The following GSG1 variants were observed in gnomAD, a reference collection of about 807,000 sequenced individuals.
GSG1 encodes germ cell-specific gene 1 protein.
Under a neutral mutation model 30.8 loss-of-function variants are expected in GSG1, and 28 were observed. The observed-to-expected ratio is 0.91, with a 90% CI of 0.67 to 1.25. GSG1 has a LOEUF of 1.25. GSG1 is among the 50% of genes most tolerant of loss of function. The pLI is 0.00. For synonymous variants in GSG1, 162 were observed against 178.0 expected, an observed-to-expected ratio of 0.91 and a Z score of 0.71; for missense variants, 435 against 444.7, an observed-to-expected ratio of 0.98 and a Z score of 0.20.
At position 13,085,069 on chromosome 12, in the gene GSG1, GGGGGCTGCACTTGACA is replaced by G; in HGVS notation, c.905_920del (p.Leu302ProfsTer6). The G allele has an allele frequency of 1.2e-6, 2 of 1,609,942 alleles. No individual in the cohort carries two copies. Among genetic ancestry groups the G allele is most frequent in the Admixed American group, 3.4e-5 (2 of 59,280 alleles). ...GGTAGCTGGTCAAAGGACCCACGGTGGGGGCTGCACTTGACAGCCGCCGAGGGAAACACTGATGGTG... is the reference window on the plus strand; with the variant it reads ...GGTAGCTGGTCAAAGGACCCACGGTGGCCGCCGAGGGAAACACTGATGGTG... On this transcript the variant is annotated frameshift_variant, in exon 7 of 7. Coordinates refer to ENST00000651961, the MANE Select transcript of GSG1 (RefSeq NM_001080555.4). LOFTEE classifies it low-confidence loss of function (END_TRUNC).
rs138940005 is a variant in GSG1 at position 13,088,018 on chromosome 12, C to T, written c.523G>A (p.Gly175Arg). The T allele has an allele frequency of 1.2e-5, 20 of 1,614,218 alleles. No homozygotes were observed. Among genetic ancestry groups the T allele is most frequent in the Admixed American group, 1.7e-5 (1 of 60,032 alleles). Residue 175 changes from glycine to arginine, a missense_variant, in exon 5 of 7, where the codon GGA becomes AGA. Physicochemically the swap from Gly to Arg is moderately radical, Grantham distance 125 (BLOSUM62 -2). Coordinates refer to ENST00000651961, the MANE Select transcript of GSG1 (RefSeq NM_001080555.4). ...LSLGTQITYIGLQFISFLLLL... is the reference protein window; with the variant it reads ...LSLGTQITYIRLQFISFLLLL... The stretch of plus-strand genomic sequence containing the variant: ...AGGAGGAAGCTGATGAATTGAAGTC[C>T]GATGTAGGTGATCTGCGTTCCCAGG...
At chr12:13,087,557 A>G (rs1290375062) in intron 5 of GSG1, among the ~76,000 whole-genome samples, 1 of 152,128 alleles carries the variant, frequency 6.6e-6, no homozygotes, top group African/African-American at 2.4e-5. Context: ...CCCACACCCC[A>G]ATGTTGGCTT....
chr12:13,095,416 A>G (rs912145538), intron 1 of GSG1, among the ~76,000 whole-genome samples: 3 of 152,218 alleles, frequency 2.0e-5, no homozygotes, highest in Non-Finnish European at 4.4e-5. Context: ...ATCATTAGGA[A>G]GTGCGTAGGC....
Position 13,090,715 on chromosome 12 carries a change from C to T in GSG1, c.152G>A (p.Trp51Ter), listed in dbSNP as rs1226346078. ...FSTTSLLSNY[W>*]FVGTQKVPKP... ...GGGCACCTTCTGTGTGCCCACAAAC[C>T]AGTAGTTGCTGAGCAGGGATGTTGT... The change falls in exon 2 of 7, where the codon TGG becomes TAG. Residue 51 changes from tryptophan (W) to a stop codon, truncating the protein, a stop_gained. Transcript: ENST00000651961. LOFTEE classifies it high-confidence loss of function. 6.2e-7 allele frequency: 1 copy of T among 1,614,226 alleles called. No individual in the cohort carries two copies. The highest frequency in any genetic ancestry group is 8.5e-7 in the Non-Finnish European group (1 of 1,180,046).
At position 13,084,980 on chromosome 12, in the gene GSG1, C is replaced by T. The variant is rs1054954692; in HGVS notation, c.1010G>A (p.Arg337Gln). ...SEGVDFYSEL[R>Q]NKGFQRGASQ... is the part of the protein sequence containing the mutation. ...GGCCCCTCTTTGAAATCCCTTGTTC[C>T]GCAGCTCGGAGTAGAAGTCGACTCC... The change falls in exon 7 of 7, where the codon CGG (arginine) becomes CAG (glutamine). Residue 337 changes from arginine to glutamine, a missense_variant. Physicochemically the swap from Arg to Gln is conservative, Grantham distance 43 (BLOSUM62 1). Coordinates refer to ENST00000651961, the MANE Select transcript of GSG1 (RefSeq NM_001080555.4). 20 of 1,552,206 alleles carry T rather than the reference C, an allele frequency of 1.3e-5. No homozygotes were observed. The highest frequency in any genetic ancestry group is 4.9e-5 in the East Asian group (2 of 40,970).
chr12:13,090,220 A>G (rs1158595570), intron 2 of GSG1, among the ~76,000 whole-genome samples: 1 of 152,212 alleles, frequency 6.6e-6, no homozygotes, highest in Non-Finnish European at 1.5e-5. Flanking sequence ...GGTTAATTCT[A>G]TTTTTAACAT....
chr12:13,095,678 T>C, intron 1 of GSG1: 1 of 1,613,006 alleles, frequency 6.2e-7, no homozygotes, highest in Non-Finnish European at 8.5e-7. Context: ...TTTGGTTTAA[T>C]GTTGCAAGAA....
intron 6 of GSG1, 101 bp from the exon 7 acceptor site, chr12:13,085,344 G>T: frequency 9.1e-7 from 1 of 1,103,946 alleles, no homozygotes; most frequent in Non-Finnish European, 1.3e-6. Flanking sequence ...TTATTGCCTT[G>T]TAGGGATTTA....
In GSG1 at chr12:13,084,859, G is replaced by T; in HGVS notation, c.*42C>A. 7.6e-7 allele frequency: 1 copy of T among 1,316,340 alleles called. No homozygotes were observed. Among genetic ancestry groups the T allele is most frequent in the Non-Finnish European group, 1.0e-6 (1 of 955,424 alleles). 81.5% of individuals were successfully genotyped at this position (1,316,340 alleles called of 1,614,324 possible). ...GCACATGTTGATAATCAGCAGACGTGTAAGGTAGGGCTCAAGCCTACTCCC... is the reference window on the plus strand; with the variant it reads ...GCACATGTTGATAATCAGCAGACGTTTAAGGTAGGGCTCAAGCCTACTCCC... On this transcript the variant is annotated 3_prime_UTR_variant, in exon 7 of 7. Coordinates refer to ENST00000651961, the MANE Select transcript of GSG1 (RefSeq NM_001080555.4).
Position 13,087,261 on chromosome 12 carries a change from G to A in GSG1, c.637C>T (p.Leu213Phe). 1.2e-6 allele frequency: 2 copies of A among 1,611,216 alleles called. No individual in the cohort carries two copies. The highest frequency in any genetic ancestry group is 1.7e-6 in the Non-Finnish European group (2 of 1,177,380). ...FAAVSSVLSGLLGMVAHMMYS... is the reference protein window; with the variant it reads ...FAAVSSVLSGFLGMVAHMMYS... ...ATCATGTGGGCCACCATCCCCAGGA[G>A]ACCTACCAAGGAAACAGGAAGGCAG... is the stretch of plus-strand genomic sequence containing the variant. Residue 213 changes from leucine to phenylalanine, a missense_variant and splice_region_variant, in exon 6 of 7, where the codon CTC becomes TTC. Leu to Phe is a conservative substitution (Grantham distance 22). Transcript: ENST00000651961.
In GSG1 at chr12:13,088,063, C is replaced by T; in HGVS notation, c.482-4G>A. On this transcript the variant is annotated splice_region_variant and splice_polypyrimidine_tract_variant and intron_variant, in intron 4 of 6. Transcript: ENST00000651961. ...CCCAGGGATAACCATAGGATTTCTGCCAGAAACCAGAGGAAGAGGGAGCGC... is the reference window on the plus strand; with the variant it reads ...CCCAGGGATAACCATAGGATTTCTGTCAGAAACCAGAGGAAGAGGGAGCGC... 1 of 1,613,950 alleles carries T rather than the reference C, an allele frequency of 6.2e-7. No homozygotes were observed. The highest frequency in any genetic ancestry group is 8.5e-7 in the Non-Finnish European group (1 of 1,179,890).
Position 13,101,422 on chromosome 12 carries a change from G to A in GSG1, c.48+2043C>T, listed in dbSNP as rs1206421505. ...GGCTTCCTGACCGGGTCGGGCGGGGGTACCCGGGCTGTTTCTTCCTCTGGG... is the reference window on the plus strand; with the variant it reads ...GGCTTCCTGACCGGGTCGGGCGGGGATACCCGGGCTGTTTCTTCCTCTGGG... On this transcript the variant is annotated intron_variant, in intron 1 of 6. Transcript: ENST00000651961. The surrounding 1 kb of genome is among the most constrained non-coding windows in gnomAD (Gnocchi z 5.8). Among the ~76,000 whole-genome samples, 6 of 152,248 alleles carry A rather than the reference G, an allele frequency of 3.9e-5. No homozygotes were observed. The highest frequency in any genetic ancestry group is 1.4e-4 in the African/African-American group (6 of 41,472).
intron 2 of GSG1, 119 bp downstream of exon 2, chr12:13,090,384 G>T: frequency 1.2e-6 from 1 of 857,162 alleles, no homozygotes; most frequent in Non-Finnish European, 1.8e-6. Context: ...TGGGGTGTGG[G>T]CAGTGCTGCA....
intron 3 of GSG1, 143 bp downstream of exon 3, chr12:13,089,065 G>T: frequency 7.8e-7 from 1 of 1,276,344 alleles, no homozygotes; most frequent in Non-Finnish European, 1.1e-6. Flanking sequence ...GTGAATGAAT[G>T]GCACAGCCAA....
At position 13,103,628 on chromosome 12, in the gene GSG1, A is replaced by AG. The variant is rs766427467; in HGVS notation, c.-117dup. 6 of 1,121,216 alleles carry AG rather than the reference A, an allele frequency of 5.4e-6. No homozygotes were observed. The highest frequency in any genetic ancestry group is 1.8e-5 in the Admixed American group (1 of 57,078). The allele number at this position is 1,121,216 out of a possible 1,614,324, so 69.5% of individuals were successfully genotyped here. On this transcript the variant is annotated 5_prime_UTR_variant, in exon 1 of 7. Transcript: ENST00000651961. The stretch of plus-strand genomic sequence containing the variant: ...GAATCAGGTCCCCTCTTGCCAGCAG[A>AG]GGGGTAAGGTGGTGTGTGGTGGATT...
chr12:13,099,762 T>TTTTTTTTTTTG (rs1565551377), intron 1 of GSG1, among the ~76,000 whole-genome samples: 26 of 148,332 alleles, frequency 1.8e-4, no homozygotes, highest in African/African-American at 6.5e-4. Flanking sequence ...TTTTTTTTTT[T>TTTTTTTTTTTG]TTTTTTGTTT....
At position 13,101,795 on chromosome 12, in the gene GSG1, A is replaced by G. The variant is rs567903569; in HGVS notation, c.48+1670T>C. Among the ~76,000 whole-genome samples, 53 of 152,204 alleles carry G rather than the reference A, an allele frequency of 3.5e-4. No individual in the cohort carries two copies. The highest frequency in any genetic ancestry group is 1.2e-3 in the African/African-American group (50 of 41,458). ...TAAGGGAAGGGGATGTCTGCGTCTCATTGGGAAGACCCCAGGGCGGGACTT... is the reference window on the plus strand; with the variant it reads ...TAAGGGAAGGGGATGTCTGCGTCTCGTTGGGAAGACCCCAGGGCGGGACTT... On this transcript the variant is annotated intron_variant, in intron 1 of 6. Transcript: ENST00000651961. The surrounding 1 kb of genome is among the most constrained non-coding windows in gnomAD (Gnocchi z 5.8).
rs148528169 is a variant in GSG1, at chr12:13,099,028, C to T, written c.48+4437G>A. Among the ~76,000 whole-genome samples the T allele has an allele frequency of 9.8e-3, 1,492 of 152,242 alleles. 11 individuals carry two copies. The highest frequency in any genetic ancestry group is 0.015 in the Non-Finnish European group (1,020 of 68,020). ...TCCGAAATTATATTATTTTAGGCCT[C>T]CACAAAGCCTGGGTCCACCCCTTAG... On this transcript the variant is annotated intron_variant, in intron 1 of 6. Transcript: ENST00000651961.
intron 3 of GSG1, 56 bp downstream of exon 3, chr12:13,089,152 T>C: frequency 6.6e-7 from 1 of 1,508,042 alleles, no homozygotes; most frequent in Non-Finnish European, 9.0e-7. Context: ...CTACATAGCT[T>C]AGTGTTCCCA....
Sources: gnomAD v4.1 joint callset for allele counts (sites outside exome capture counted in the v4.1 genomes callset) on GRCh38, gnomAD v4.1.1 for gene constraint, Gnocchi (gnomAD v3.1) non-coding constraint, MANE v1.5 for transcripts, NCBI Gene and HGNC (gene_info 2026-07-23, HGNC 2026-07-21) for gene names.